PALLD: variants seen among roughly 807,000 people sequenced by gnomAD.
PALLD encodes palladin, cytoskeletal associated protein, also known as palladin.
A neutral mutation model predicts 123.5 loss-of-function variants in PALLD; 61 were observed. The ratio of observed to expected loss-of-function variants is 0.49; its 90% CI spans 0.40 to 0.61. PALLD has a LOEUF of 0.61. PALLD is among the 20% of genes least tolerant of loss of function. The pLI is 0.00. For synonymous variants in PALLD, 465 were observed against 496.4 expected (o/e 0.94, Z 0.84); for missense variants, 1,273 against 1,377.0 (o/e 0.92, Z 1.20).
intron 2 of PALLD, among the ~76,000 whole-genome samples, chr4:168,587,379 A>G (rs1206530360): frequency 1.3e-5 from 2 of 152,198 alleles, no homozygotes; most frequent in Non-Finnish European, 2.9e-5. Context: ...GAACACACCA[A>G]TATACTTTCA....
At chr4:168,499,269 AGG>A (rs1761100291) in intron 1 of PALLD, among the ~76,000 whole-genome samples, 1 of 31,406 alleles carries the variant, frequency 3.2e-5, no homozygotes, top group Non-Finnish European at 5.9e-5. Flanking sequence ...GAAGGGAGGG[AGG>A]ATGGGAGGGA....
At chr4:168,903,727 C>G in intron 14 of PALLD, 30 bp from the exon 15 acceptor site, 1 of 1,590,704 alleles carries the variant, frequency 6.3e-7, no homozygotes, top group Non-Finnish European at 8.6e-7. Flanking sequence ...ACACAAACTC[C>G]TAATCTTTAA....
In PALLD at chr4:168,598,520, A is replaced by G. The variant is rs530396572; in HGVS notation, c.909-69670A>G. The G allele has an allele frequency of 1.8e-5, 8 of 438,582 alleles. 1 individual carries two copies. Among genetic ancestry groups the G allele is most frequent in the African/African-American group, 1.5e-4 (7 of 47,924 alleles). 27.2% of individuals were successfully genotyped at this position (438,582 alleles called of 1,614,324 possible). On this transcript the variant is annotated intron_variant, in intron 2 of 21. Coordinates refer to ENST00000505667, the MANE Select transcript of PALLD (RefSeq NM_001166108.2). Reference sequence around the variant, plus strand: ...GAGAGGAGCAGAGAGAGGTAATTGCAAAGATGTTAACAGAGAGGGGGCAGA... The same window carrying G: ...GAGAGGAGCAGAGAGAGGTAATTGCGAAGATGTTAACAGAGAGGGGGCAGA...
At chr4:168,901,185 G>A (rs1203475904) in intron 14 of PALLD, among the ~76,000 whole-genome samples, 1 of 151,880 alleles carries the variant, frequency 6.6e-6, no homozygotes, top group Non-Finnish European at 1.5e-5. Context: ...GTCTACTTTG[G>A]CATATGCCAT....
At chr4:168,600,032 T>TACATGTGTGTACACAC (rs1554048300) in intron 2 of PALLD, among the ~76,000 whole-genome samples, 23 of 123,770 alleles carry the variant, frequency 1.9e-4, no homozygotes, top group African/African-American at 4.7e-4. Context: ...TACACACACA[T>TACATGTGTGTACACAC]ACATACATGT....
intron 8 of PALLD, among the ~76,000 whole-genome samples, chr4:168,692,014 T>C (rs1782679337): frequency 6.6e-6 from 1 of 152,206 alleles, no homozygotes; most frequent in African/African-American, 2.4e-5. Context: ...CTTTTGTATT[T>C]TTCCCATCAG....
At chr4:168,883,718 T>C (rs1752943513) in intron 10 of PALLD, among the ~76,000 whole-genome samples, 1 of 152,184 alleles carries the variant, frequency 6.6e-6, no homozygotes, top group African/African-American at 2.4e-5. Flanking sequence ...ATGAATATTG[T>C]TTTTAAATGA....
chr4:168,925,192 C>T (rs1301908917), intron 20 of PALLD, 41 bp from the exon 21 acceptor site: 1 of 1,561,188 alleles, frequency 6.4e-7, no homozygotes. Flanking sequence ...TTTTATTTGT[C>T]AAAAAAATTC....
intron 19 of PALLD, 72 bp downstream of exon 19, chr4:168,924,492 A>G (rs1426145281): frequency 3.7e-6 from 5 of 1,362,996 alleles, no homozygotes; most frequent in Non-Finnish European, 5.3e-6. Context: ...TACATTTTAT[A>G]TAGCATGGAA....
At chr4:168,671,036 A>AAG in intron 3 of PALLD, among the ~76,000 whole-genome samples, 1 of 151,224 alleles carries the variant, frequency 6.6e-6, no homozygotes, top group Non-Finnish European at 1.5e-5. Context: ...GAAAAAAAAA[A>AAG]TGTAAAATGA....
chr4:168,600,091 G>GTGTCTACACACACATATATACATA (rs1561291419), intron 2 of PALLD, among the ~76,000 whole-genome samples: 1 of 133,792 alleles, frequency 7.5e-6, no homozygotes, highest in African/African-American at 2.6e-5. Context: ...ATATATACAT[G>GTGTCTACACACACATATATACATA]CATGTGTATG....
intron 2 of PALLD, among the ~76,000 whole-genome samples, chr4:168,519,985 G>T (rs1282803572): frequency 6.6e-6 from 1 of 151,566 alleles, no homozygotes; most frequent in Non-Finnish European, 1.5e-5. Flanking sequence ...ATATTCCCTA[G>T]AACACCCAAT....
intron 10 of PALLD, among the ~76,000 whole-genome samples, chr4:168,751,494 A>G (rs1425357558): frequency 6.6e-6 from 1 of 152,246 alleles, no homozygotes; most frequent in African/African-American, 2.4e-5. Context: ...CCTGAGATCC[A>G]TGCCTGACAT....
At chr4:168,567,813 A>AG (rs1035992246) in intron 2 of PALLD, among the ~76,000 whole-genome samples, 1 of 151,752 alleles carries the variant, frequency 6.6e-6, no homozygotes, top group Non-Finnish European at 1.5e-5. Context: ...GGAGGATGGG[A>AG]GGGGGGATGA....
intron 10 of PALLD, 72 bp downstream of exon 10, chr4:168,711,995 CTT>C: frequency 3.7e-6 from 5 of 1,366,310 alleles, no homozygotes; most frequent in South Asian, 2.4e-5. Flanking sequence ...GAGAAAAAAA[CTT>C]TTGCCTGTAT....
At chr4:168,803,721 G>T (rs1739715038) in intron 10 of PALLD, among the ~76,000 whole-genome samples, 1 of 151,882 alleles carries the variant, frequency 6.6e-6, no homozygotes, top group Non-Finnish European at 1.5e-5. Context: ...ATTGTCCAAG[G>T]AATTTAAAAA....
intron 3 of PALLD, among the ~76,000 whole-genome samples, chr4:168,672,825 A>G (rs1187892166): frequency 6.6e-6 from 1 of 152,164 alleles, no homozygotes; most frequent in Non-Finnish European, 1.5e-5. Context: ...ACTAAAAATC[A>G]CCCTATTTTA....
chr4:168,724,174 G>A (rs1581157692), intron 10 of PALLD, among the ~76,000 whole-genome samples: 1 of 152,164 alleles, frequency 6.6e-6, no homozygotes, highest in South Asian at 2.1e-4. Flanking sequence ...CCTCATTTGT[G>A]TATTTTAAAA....
At chr4:168,805,257 G>T (rs559152961) in intron 10 of PALLD, among the ~76,000 whole-genome samples, 32 of 152,206 alleles carry the variant, frequency 2.1e-4, no homozygotes, top group African/African-American at 7.7e-4. Context: ...TATTGAATAG[G>T]TCAACAAGCA....
Sources: gnomAD v4.1 joint callset for allele counts (sites outside exome capture counted in the v4.1 genomes callset) on GRCh38, gnomAD v4.1.1 for gene constraint, MANE v1.5 for transcripts, NCBI Gene and HGNC (gene_info 2026-07-23, HGNC 2026-07-21) for gene names.